The following BTLA variants were observed in gnomAD, a reference collection of about 807,000 sequenced individuals.
BTLA encodes the protein B and T lymphocyte associated.
Under a neutral mutation model 25.0 loss-of-function variants are expected in BTLA, and 11 were observed. That is an observed-to-expected ratio of 0.44 (90% confidence interval 0.28 to 0.73). The LOEUF (loss-of-function observed/expected upper bound fraction) is 0.73. Among genes scored for constraint, BTLA ranks in the 30% least tolerant of loss-of-function variants. BTLA has a pLI of 0.15. For synonymous variants in BTLA, 104 were observed against 119.8 expected (o/e 0.87, Z 0.86); for missense variants, 282 against 332.8 (o/e 0.85, Z 1.19).
At position 112,499,322 on chromosome 3, in the gene BTLA, A is replaced by C. The variant is rs769603767; in HGVS notation, c.37T>G (p.Leu13Val). The C allele has an allele frequency of 4.3e-6, 7 of 1,613,794 alleles. No homozygotes were observed. Among genetic ancestry groups the C allele is most frequent in the Non-Finnish European group, 5.9e-6 (7 of 1,179,850 alleles). The change falls in exon 1 of 5, where the codon TTA (leucine) becomes GTA (valine). Residue 13 changes from leucine (L) to valine (V), a missense_variant. Physicochemically the swap from Leu to Val is conservative, Grantham distance 32 (BLOSUM62 1). This residue lies in a region of BTLA where 163 missense variants were observed against 230.4 expected (regional missense o/e 0.71). Transcript: ENST00000334529. ...TLPAMLGTGK[L>V]FWVFFLIPYL... ...GGGATTAAGAAGAAGACCCAAAATA[A>C]TTTCCCAGTTCCAAGCATGGCAGGC... is the stretch of plus-strand genomic sequence containing the variant.
chr3:112,485,353 C>A (rs1396106290), intron 1 of BTLA, among the ~76,000 whole-genome samples: 1 of 152,188 alleles, frequency 6.6e-6, no homozygotes, highest in Non-Finnish European at 1.5e-5. Context: ...CGACAAATAG[C>A]ACAATTCTAA....
rs544196434 is a variant in BTLA at position 112,466,642 on chromosome 3, A to AT, written c.595-260dup. Among the ~76,000 whole-genome samples, 59 of 152,280 alleles carry AT rather than the reference A, an allele frequency of 3.9e-4. 1 individual carries two copies. In the South Asian group the frequency reaches 0.012, roughly 31 times the overall value. On this transcript the variant is annotated intron_variant, in intron 4 of 4. Transcript: ENST00000334529. ...CTGGTCACTTTTGAGGTCACAGAACATTTTTTAATCCCCCTTCAAGATAAA... is the reference window on the plus strand; with the variant it reads ...CTGGTCACTTTTGAGGTCACAGAACATTTTTTTAATCCCCCTTCAAGATAAA...
rs551162755 is a variant in BTLA, at chr3:112,467,093, G to A, written c.595-710C>T. Reference sequence around the variant, plus strand: ...CTGCCTCAGCCTCCCGAGTAGCTGGGACTACAGGCGCCCGCCACCTCGCCC... The same window carrying A: ...CTGCCTCAGCCTCCCGAGTAGCTGGAACTACAGGCGCCCGCCACCTCGCCC... On this transcript the variant is annotated intron_variant, in intron 4 of 4. Coordinates refer to ENST00000334529, the MANE Select transcript of BTLA (RefSeq NM_181780.4). Among the ~76,000 whole-genome samples the A allele has an allele frequency of 2.0e-4, 30 of 152,154 alleles. No individual in the cohort carries two copies. The East Asian group carries it at 5.4e-3, about 28-fold the overall frequency.
At chr3:112,485,895 G>A (rs1425768679) in intron 1 of BTLA, among the ~76,000 whole-genome samples, 1 of 152,210 alleles carries the variant, frequency 6.6e-6, no homozygotes, top group Admixed American at 6.5e-5. Flanking sequence ...AGTGGATCAC[G>A]AGGTCAGGAG....
intron 1 of BTLA, among the ~76,000 whole-genome samples, chr3:112,489,679 C>T (rs1191250827): frequency 6.6e-6 from 1 of 152,162 alleles, no homozygotes; most frequent in Non-Finnish European, 1.5e-5. Flanking sequence ...TTTTCTGTGA[C>T]ATCAACCAGG....
intron 2 of BTLA, 71 bp downstream of exon 2, chr3:112,479,384 G>A: frequency 2.8e-6 from 4 of 1,435,242 alleles, no homozygotes; most frequent in Admixed American, 4.2e-5. Flanking sequence ...AATCACTTGA[G>A]AAACTGAACC....
At chr3:112,498,347 C>T (rs1412804134) in intron 1 of BTLA, among the ~76,000 whole-genome samples, 1 of 151,458 alleles carries the variant, frequency 6.6e-6, no homozygotes, top group African/African-American at 2.4e-5. Flanking sequence ...GAAGAAGAAT[C>T]GATTGAACCC....
chr3:112,474,303 T>C (rs1204820775), intron 2 of BTLA, among the ~76,000 whole-genome samples: 1 of 152,226 alleles, frequency 6.6e-6, no homozygotes, highest in Admixed American at 6.5e-5. Flanking sequence ...TATATTTTTC[T>C]CCTCACCTTA....
chr3:112,494,292 C>T (rs1459399727), intron 1 of BTLA, among the ~76,000 whole-genome samples: 2 of 152,116 alleles, frequency 1.3e-5, no homozygotes, highest in Non-Finnish European at 2.9e-5. Flanking sequence ...ATTAGGAATG[C>T]TTTTACACGG....
chr3:112,499,381 A>AAAAACTGCTCAAGTAG lies in BTLA; in HGVS notation c.-39_-24dup, dbSNP rs1465037893. ...CATTTCCTGCACATATCAGTGATGG[A>AAAAACTGCTCAAGTAG]AAAACTGCTCAAGTAGAAGGCTTTG... On this transcript the variant is annotated 5_prime_UTR_variant, in exon 1 of 5. Transcript: ENST00000334529. 6.2e-7 allele frequency: 1 copy of AAAAACTGCTCAAGTAG among 1,608,924 alleles called. No homozygotes were observed. Among genetic ancestry groups the AAAAACTGCTCAAGTAG allele is most frequent in the East Asian group, 2.2e-5 (1 of 44,862 alleles).
At chr3:112,484,883 C>T (rs1271975932) in intron 1 of BTLA, among the ~76,000 whole-genome samples, 3 of 151,988 alleles carry the variant, frequency 2.0e-5, no homozygotes, top group African/African-American at 7.3e-5. Flanking sequence ...AGGAATGAAC[C>T]GATGATGAAT....
At chr3:112,479,309 G>C in intron 2 of BTLA, 146 bp downstream of exon 2, 1 of 724,132 alleles carries the variant, frequency 1.4e-6, no homozygotes, top group Non-Finnish European at 2.3e-6. Context: ...TGTACACACT[G>C]GCACATAACA....
intron 4 of BTLA, among the ~76,000 whole-genome samples, chr3:112,467,363 C>G (rs2082235873): frequency 6.6e-6 from 1 of 152,208 alleles, no homozygotes; most frequent in African/African-American, 2.4e-5. Flanking sequence ...TGTTTTCTCA[C>G]TCTTCAGTTA....
At chr3:112,481,435 G>A (rs916863233) in intron 1 of BTLA, among the ~76,000 whole-genome samples, 1 of 152,238 alleles carries the variant, frequency 6.6e-6, no homozygotes, top group African/African-American at 2.4e-5. Context: ...TGGAGTGGTG[G>A]GTTGAACTGC....
chr3:112,497,371 A>T (rs919774109), intron 1 of BTLA, among the ~76,000 whole-genome samples: 1 of 152,204 alleles, frequency 6.6e-6, no homozygotes, highest in African/African-American at 2.4e-5. Flanking sequence ...AGACTTAATC[A>T]ATGCCATACA....
rs1339011169 is a variant in BTLA, at chr3:112,480,239, A to T, written c.89-470T>A. Among the ~76,000 whole-genome samples the T allele has an allele frequency of 2.0e-5, 3 of 152,082 alleles. No individual in the cohort carries two copies. The South Asian group carries it at 6.2e-4, about 32-fold the overall frequency. On this transcript the variant is annotated intron_variant, in intron 1 of 4. Coordinates refer to ENST00000334529, the MANE Select transcript of BTLA (RefSeq NM_181780.4). ...GTGAGATCCACCCCCTGCCCCCAAA[A>T]CATTGCTCTTAACTCCACTGCCTAT...
chr3:112,494,417 G>T (rs908973836), intron 1 of BTLA, among the ~76,000 whole-genome samples: 1 of 152,082 alleles, frequency 6.6e-6, no homozygotes, highest in Non-Finnish European at 1.5e-5. Flanking sequence ...TATACTCAAA[G>T]GAATATAAAT....
intron 1 of BTLA, among the ~76,000 whole-genome samples, chr3:112,482,550 T>C (rs920820211): frequency 6.6e-6 from 1 of 152,186 alleles, no homozygotes; most frequent in Non-Finnish European, 1.5e-5. Flanking sequence ...ACATCCTACT[T>C]AAAAACCCTT....
chr3:112,490,084 C>G (rs915133741), intron 1 of BTLA, among the ~76,000 whole-genome samples: 1 of 152,174 alleles, frequency 6.6e-6, no homozygotes, highest in Non-Finnish European at 1.5e-5. Context: ...AGGTAGCATA[C>G]TTTCCCATCA....
Sources: gnomAD v4.1 joint callset for allele counts (sites outside exome capture counted in the v4.1 genomes callset) on GRCh38, gnomAD v4.1.1 for gene constraint, gnomAD v4.1.1 regional missense constraint, MANE v1.5 for transcripts, NCBI Gene and HGNC (gene_info 2026-07-23, HGNC 2026-07-21) for gene names.